Variants in NRDC observed in about 807,000 individuals in gnomAD.
NRDC encodes nardilysin convertase, also known as nardilysin.
In NRDC, 54 loss-of-function variants were observed where a neutral mutation model predicts 147.1. The observed-to-expected ratio is 0.37, with a 90% CI of 0.29 to 0.46. The LOEUF is 0.46. NRDC is among the 20% of genes least tolerant of loss of function. The pLI is 1.00. For missense variants in NRDC, 1,082 were observed against 1,370.6 expected (o/e 0.79, Z 3.33); for synonymous variants, 440 against 482.1 (o/e 0.91, Z 1.14).
At chr1:51,845,896 T>C (rs1350247929) in intron 1 of NRDC, among the ~76,000 whole-genome samples, 1 of 152,066 alleles carries the variant, frequency 6.6e-6, no homozygotes, top group African/African-American at 2.4e-5. Context: ...GGGGACCTGA[T>C]ACATAGTAGG....
intron 2 of NRDC, chr1:51,837,437 C>A: frequency 7.0e-7 from 1 of 1,436,582 alleles, no homozygotes; most frequent in Non-Finnish European, 9.3e-7. Flanking sequence ...ATATCCAGTT[C>A]TTCAAACCAC....
chr1:51,793,482 C>A (rs1312149002), intron 24 of NRDC, among the ~76,000 whole-genome samples: 3 of 152,146 alleles, frequency 2.0e-5, no homozygotes, highest in Non-Finnish European at 1.5e-5. Context: ...CAACCTAGCT[C>A]CAAAAGTGCT....
intron 7 of NRDC, among the ~76,000 whole-genome samples, chr1:51,823,007 G>A (rs1023789915): frequency 2.0e-5 from 3 of 152,106 alleles, no homozygotes; most frequent in African/African-American, 7.2e-5. Context: ...GAATAATTTA[G>A]CAATTTACTA....
rs1683240856 is a variant in NRDC at position 51,874,659 on chromosome 1, T to C, written c.341+3616A>G. Among the ~76,000 whole-genome samples, 3 of 152,094 alleles carry C rather than the reference T, an allele frequency of 2.0e-5. No homozygotes were observed. The South Asian group carries it at 6.2e-4, about 32-fold the overall frequency. ...AAATAGAATACACCACTACTAATCC[T>C]GCCCAACCAGAATTTCCACTCAACA... On this transcript the variant is annotated intron_variant, in intron 1 of 30. Coordinates refer to ENST00000352171, the MANE Select transcript of NRDC (RefSeq NM_001101662.2).
At chr1:51,855,655 T>TTG (rs1682199439) in intron 1 of NRDC, among the ~76,000 whole-genome samples, 1 of 151,826 alleles carries the variant, frequency 6.6e-6, no homozygotes, top group Admixed American at 6.6e-5. Flanking sequence ...AAAAATAAGC[T>TTG]TAAAAATATG....
intron 29 of NRDC, among the ~76,000 whole-genome samples, chr1:51,790,114 T>G (rs950822689): frequency 1.4e-4 from 22 of 152,218 alleles, no homozygotes; most frequent in Non-Finnish European, 2.1e-4. Context: ...TTAACCAAAG[T>G]CACACTGGAG....
intron 21 of NRDC, 76 bp from the exon 22 acceptor site, chr1:51,798,487 T>G: frequency 7.8e-7 from 1 of 1,277,168 alleles, no homozygotes; most frequent in Non-Finnish European, 1.1e-6. Context: ...AAATGTTTGG[T>G]CAAAGTTCTA....
At chr1:51,866,425 T>C (rs779237381) in intron 1 of NRDC, among the ~76,000 whole-genome samples, 1 of 152,154 alleles carries the variant, frequency 6.6e-6, no homozygotes, top group Non-Finnish European at 1.5e-5. Context: ...CTCATAGGTA[T>C]GTGCCCTAGA....
intron 14 of NRDC, among the ~76,000 whole-genome samples, chr1:51,813,652 A>G (rs1679829972): frequency 6.6e-6 from 1 of 152,230 alleles, no homozygotes; most frequent in Admixed American, 6.5e-5. Flanking sequence ...CCAAAGCACA[A>G]TGTTTCTAAC....
At chr1:51,838,999 G>C (rs577438316) in intron 2 of NRDC, among the ~76,000 whole-genome samples, 3 of 152,134 alleles carry the variant, frequency 2.0e-5, no homozygotes, top group Admixed American at 2.0e-4. Context: ...ACAGGAAAAA[G>C]CTTCTTAAAA....
At chr1:51,856,930 C>T (rs977903821) in intron 1 of NRDC, among the ~76,000 whole-genome samples, 2 of 151,652 alleles carry the variant, frequency 1.3e-5, no homozygotes, top group African/African-American at 4.8e-5. Context: ...ATGGGAGTTA[C>T]AAGCCAGGAA....
chr1:51,805,541 T>A lies in NRDC; in HGVS notation c.2131A>T (p.Ile711Phe), dbSNP rs1052428437. The A allele has an allele frequency of 1.3e-6, 2 of 1,589,000 alleles. No homozygotes were observed. The highest frequency in any genetic ancestry group is 1.9e-5 in the Admixed American group (1 of 53,528). Reference protein sequence around the residue: ...IPKAYIRFHLISPLIQKSAAN... With the variant: ...IPKAYIRFHLFSPLIQKSAAN... Reference sequence around the variant, plus strand: ...GCAGATTTCTGTATCAACGGTGAAATTAGATGGAAACGTATATATGCTAAA... The same window carrying A: ...GCAGATTTCTGTATCAACGGTGAAAATAGATGGAAACGTATATATGCTAAA... Residue 711 changes from isoleucine (I) to phenylalanine (F), a missense_variant, in exon 19 of 31, where the codon ATT becomes TTT. This residue lies in a region of NRDC where 635 missense variants were observed against 923.8 expected (regional missense o/e 0.69). Transcript: ENST00000352171.
chr1:51,837,606 C>A, intron 2 of NRDC: 1 of 1,541,354 alleles, frequency 6.5e-7, no homozygotes, highest in Non-Finnish European at 8.8e-7. Flanking sequence ...ACAGCAAAAA[C>A]AGGCTCTGCA....
intron 2 of NRDC, among the ~76,000 whole-genome samples, chr1:51,837,064 G>A (rs532454555): frequency 2.3e-4 from 35 of 151,626 alleles, no homozygotes; most frequent in Admixed American, 6.6e-5. Context: ...TTATAGGCGT[G>A]AGCCACTGCA....
intron 8 of NRDC, among the ~76,000 whole-genome samples, chr1:51,821,246 G>C (rs573390013): frequency 6.6e-6 from 1 of 152,050 alleles, no homozygotes; most frequent in East Asian, 1.9e-4. Context: ...TGTAAAAGGA[G>C]GCATAAATTT....
At chr1:51,824,403 C>T (rs1571871128) in intron 6 of NRDC, among the ~76,000 whole-genome samples, 2 of 152,146 alleles carry the variant, frequency 1.3e-5, no homozygotes, top group Middle Eastern at 3.4e-3. Flanking sequence ...GGATTACAGG[C>T]GTGAGCCACC....
At position 51,840,280 on chromosome 1, in the gene NRDC, T is replaced by A. The variant is rs1681201596; in HGVS notation, c.576A>T (p.Glu192Asp). The A allele has an allele frequency of 6.2e-7, 1 of 1,607,202 alleles. No individual in the cohort carries two copies. The highest frequency in any genetic ancestry group is 1.1e-5 in the South Asian group (1 of 90,344). ...HDDDLDTEDN[E>D]LEELEERAEA... The stretch of plus-strand genomic sequence containing the variant: ...CTGCTCTCTCTTCTAATTCTTCCAA[T>A]TCATTATCCTCAGTATCAAGATCAT... Residue 192 changes from glutamate to aspartate, a missense_variant, in exon 2 of 31, where the codon GAA becomes GAT. By Grantham distance (45) the Glu-to-Asp change is conservative. This residue lies in a region of NRDC where 260 missense variants were observed against 253.2 expected (regional missense o/e 1.03). Transcript: ENST00000352171.
intron 1 of NRDC, among the ~76,000 whole-genome samples, chr1:51,860,436 G>A (rs1053838404): frequency 2.6e-5 from 4 of 152,150 alleles, no homozygotes; most frequent in Non-Finnish European, 5.9e-5. Context: ...ACTCATAGCT[G>A]CCTCTGTGTT....
rs145219646 is a variant in NRDC, at chr1:51,863,003, C to G, written c.341+15272G>C. ...CTAGCCTGGATGACAGAGTGAGACT[C>G]TGTGTGGAGGAAAAAAAAAAAAAAA... On this transcript the variant is annotated intron_variant, in intron 1 of 30. Coordinates refer to ENST00000352171, the MANE Select transcript of NRDC (RefSeq NM_001101662.2). 4.1e-3 allele frequency among the ~76,000 whole-genome samples: 376 copies of G among 91,326 alleles called. 2 individuals are homozygous for G. Among genetic ancestry groups the G allele is most frequent in the South Asian group, 5.9e-3 (13 of 2,218 alleles). 59.9% of individuals were successfully genotyped at this position (91,326 alleles called of 152,430 possible).
Sources: gnomAD v4.1 joint callset for allele counts (sites outside exome capture counted in the v4.1 genomes callset) on GRCh38, gnomAD v4.1.1 for gene constraint, gnomAD v4.1.1 regional missense constraint, MANE v1.5 for transcripts, NCBI Gene and HGNC (gene_info 2026-07-23, HGNC 2026-07-21) for gene names.